Variants in FDX1 observed in about 807,000 individuals in gnomAD.
FDX1 encodes the protein ferredoxin 1.
FDX1 carries 9 observed loss-of-function variants against 14.9 expected under a neutral mutation model. The ratio of observed to expected loss-of-function variants is 0.60; its 90% confidence interval spans 0.36 to 1.05. The LOEUF is 1.05. FDX1 is among the 50% of genes least tolerant of loss of function. The pLI is 0.01. For synonymous variants in FDX1, 92 were observed against 99.4 expected, an observed-to-expected ratio of 0.93 and a Z score of 0.44; for missense variants, 204 against 237.2, an observed-to-expected ratio of 0.86 and a Z score of 0.92.
chr11:110,430,326 G>T lies in FDX1; in HGVS notation c.185+21G>T, dbSNP rs1021245659. On this transcript the variant is annotated intron_variant, in intron 1 of 3. Coordinates refer to ENST00000260270, the MANE Select transcript of FDX1 (RefSeq NM_004109.5). ...AGCAGGTAGGGCGCCGTGCGGGCGC[G>T]ATCGCCGGCGCGGGCCGGGGTCCCC... The T allele has an allele frequency of 4.1e-5, 49 of 1,186,068 alleles. No individual in the cohort carries two copies. In the African/African-American group the frequency reaches 6.5e-4, roughly 16 times the overall value. 73.5% of individuals were successfully genotyped at this position (1,186,068 alleles called of 1,614,324 possible). A position where few individuals can be genotyped will look rare whatever the true frequency, so the allele number is the denominator to read the frequency against.
chr11:110,438,274 C>T (rs185224277), intron 2 of FDX1, among the ~76,000 whole-genome samples: 64 of 152,284 alleles, frequency 4.2e-4, no homozygotes, highest in Non-Finnish European at 7.6e-4. Context: ...TCCTTTTCTC[C>T]GCAGCCTTGC....
chr11:110,456,244 C>T (rs757282234), intron 2 of FDX1, among the ~76,000 whole-genome samples: 19 of 152,128 alleles, frequency 1.2e-4, no homozygotes, highest in Admixed American at 2.6e-4. Context: ...TAACTTTCAT[C>T]GCTATTATGT....
intron 2 of FDX1, among the ~76,000 whole-genome samples, chr11:110,448,219 T>G (rs1946464307): frequency 6.6e-6 from 1 of 152,216 alleles, no homozygotes. Flanking sequence ...TGAGGGAAAT[T>G]ATACAAATTG....
chr11:110,445,054 T>A (rs1266569733), intron 2 of FDX1, among the ~76,000 whole-genome samples: 2 of 152,048 alleles, frequency 1.3e-5, no homozygotes, highest in African/African-American at 4.8e-5. Context: ...ATAGGAATAG[T>A]GTTGAATCTG....
intron 3 of FDX1, among the ~76,000 whole-genome samples, chr11:110,458,380 G>A (rs1396674892): frequency 6.6e-6 from 1 of 152,114 alleles, no homozygotes; most frequent in East Asian, 1.9e-4. Context: ...CATTTTAGTA[G>A]AAATACTTTG....
chr11:110,430,225 C>T lies in FDX1; in HGVS notation c.105C>T (p.Ser35=), dbSNP rs1044503183. The change falls in exon 1 of 4, where the codon AGC becomes AGT. Residue 35 remains serine (S), a synonymous_variant. Coordinates refer to ENST00000260270, the MANE Select transcript of FDX1 (RefSeq NM_004109.5). ...ACGCTGGGTCCCGCGCTGGATCCAGCGGCCTGCTGAGGAACCGGGGGCCGG... is the reference window on the plus strand; with the variant it reads ...ACGCTGGGTCCCGCGCTGGATCCAGTGGCCTGCTGAGGAACCGGGGGCCGG... ...LHHAGSRAGS[S]GLLRNRGPGG... 4 of 1,208,926 alleles carry T rather than the reference C, an allele frequency of 3.3e-6. No homozygotes were observed. The highest frequency in any genetic ancestry group is 3.1e-6 in the Non-Finnish European group (3 of 973,718). The allele number at this position is 1,208,926 out of a possible 1,614,324, so 74.9% of individuals were successfully genotyped here. A position where few individuals can be genotyped will look rare whatever the true frequency, so the allele number is the denominator to read the frequency against.
rs1360271372 is a variant in FDX1, at chr11:110,463,772, A to T, written c.*1304A>T. ...TTAGGAAAATATAAAATATGTATGT[A>T]TGTGCAGATAATTTGCTTGAACTAA... On this transcript the variant is annotated 3_prime_UTR_variant, in exon 4 of 4. Transcript: ENST00000260270. The T allele has an allele frequency of 6.6e-6, 1 of 152,238 alleles. No individual in the cohort carries two copies. The highest frequency in any genetic ancestry group is 2.4e-5 in the African/African-American group (1 of 41,468). The allele number at this position is 152,238 out of a possible 1,614,324, so 9.4% of individuals were successfully genotyped here. A position where few individuals can be genotyped will look rare whatever the true frequency, so the allele number is the denominator to read the frequency against.
chr11:110,437,822 C>T (rs1032516152), intron 2 of FDX1, among the ~76,000 whole-genome samples: 2 of 152,170 alleles, frequency 1.3e-5, no homozygotes, highest in African/African-American at 4.8e-5. Flanking sequence ...TGCCCAGTAT[C>T]TACTGTTCCC....
At chr11:110,457,101 G>GTATTATGT in intron 3 of FDX1, 54 bp downstream of exon 3, 1 of 1,517,212 alleles carries the variant, frequency 6.6e-7, no homozygotes, top group South Asian at 1.2e-5. Context: ...CATAGATGTT[G>GTATTATGT]TATTATGTTG....
intron 2 of FDX1, among the ~76,000 whole-genome samples, chr11:110,444,445 A>G (rs1448802459): frequency 1.3e-5 from 2 of 151,300 alleles, no homozygotes; most frequent in Non-Finnish European, 2.9e-5. Context: ...GTGAAGCCCC[A>G]TCTCTACTAA....
chr11:110,448,054 T>TA, intron 2 of FDX1, among the ~76,000 whole-genome samples: 1 of 152,358 alleles, frequency 6.6e-6, no homozygotes, highest in South Asian at 2.1e-4. Context: ...TTTATATTAA[T>TA]ATAGATCTTT....
intron 3 of FDX1, among the ~76,000 whole-genome samples, chr11:110,460,751 A>C (rs925196036): frequency 6.6e-6 from 1 of 152,184 alleles, no homozygotes; most frequent in African/African-American, 2.4e-5. Context: ...CTCATCTTGA[A>C]GATTAGGTTA....
At chr11:110,437,273 C>A (rs1437423925) in intron 2 of FDX1, among the ~76,000 whole-genome samples, 1 of 152,152 alleles carries the variant, frequency 6.6e-6, no homozygotes, top group South Asian at 2.1e-4. Flanking sequence ...GCATTACAGG[C>A]GTGAGCCACC....
chr11:110,434,717 CTTTT>C (rs1210732783), intron 1 of FDX1, among the ~76,000 whole-genome samples: 2 of 100,614 alleles, frequency 2.0e-5, no homozygotes, highest in Admixed American at 1.1e-4. Context: ...TGTGTGATGA[CTTTT>C]TTTGTTTTTT....
In FDX1 at chr11:110,430,136, G is replaced by A. The variant is rs542788383; in HGVS notation, c.16G>A (p.Gly6Ser). Residue 6 changes from glycine (G) to serine (S), a missense_variant, in exon 1 of 4, where the codon GGC becomes AGC. Physicochemically the swap from Gly to Ser is moderately conservative, Grantham distance 56. Coordinates refer to ENST00000260270, the MANE Select transcript of FDX1 (RefSeq NM_004109.5). ...ACCGCGGGCGATGGCTGCCGCTGGG[G>A]GCGCCCGGCTGCTGCGCGCCGCTTC... is the stretch of plus-strand genomic sequence containing the variant. MAAAG[G>S]ARLLRAASAV... 3.2e-6 allele frequency: 4 copies of A among 1,240,246 alleles called. No homozygotes were observed. The African/African-American group carries it at 4.7e-5, about 15-fold the overall frequency. The allele number at this position is 1,240,246 out of a possible 1,614,324, so 76.8% of individuals were successfully genotyped here. A position where few individuals can be genotyped will look rare whatever the true frequency, so the allele number is the denominator to read the frequency against.
chr11:110,442,423 C>T (rs540492105), intron 2 of FDX1, among the ~76,000 whole-genome samples: 15 of 152,344 alleles, frequency 9.8e-5, no homozygotes, highest in African/African-American at 3.6e-4. Context: ...AGGGGTGGAG[C>T]TGCCCAAGAC....
At chr11:110,438,132 T>C (rs766220884) in intron 2 of FDX1, among the ~76,000 whole-genome samples, 2 of 152,238 alleles carry the variant, frequency 1.3e-5, no homozygotes, top group Non-Finnish European at 2.9e-5. Context: ...TTGTTTTCTC[T>C]TGGGTATGTA....
intron 3 of FDX1, among the ~76,000 whole-genome samples, chr11:110,461,460 G>A (rs1207738133): frequency 7.0e-6 from 1 of 142,796 alleles, no homozygotes; most frequent in African/African-American, 2.6e-5. Context: ...TCATGCCAGT[G>A]CACTCCAGCC....
Position 110,451,445 on chromosome 11 carries a change from G to A in FDX1, c.311-5473G>A, listed in dbSNP as rs185856287. On this transcript the variant is annotated intron_variant, in intron 2 of 3. Transcript: ENST00000260270. ...TAAAAAGTCAAGAAACAACAGATGT[G>A]GTGAGGTTACAGAGAAATATGAACA... 1.1e-3 allele frequency among the ~76,000 whole-genome samples: 162 copies of A among 148,816 alleles called. 2 individuals are homozygous for A. Among genetic ancestry groups the A allele is most frequent in the African/African-American group, 3.9e-3 (150 of 38,394 alleles).
Sources: allele counts gnomAD v4.1 joint callset (sites outside exome capture counted in the v4.1 genomes callset), GRCh38; gene constraint gnomAD v4.1.1; transcripts MANE v1.5; gene names NCBI Gene and HGNC (gene_info 2026-07-23, HGNC 2026-07-21).